Variants in TAOK3 observed in about 807,000 individuals in gnomAD.
TAOK3 encodes serine/threonine-protein kinase TAO3.
A neutral mutation model predicts 120.4 loss-of-function variants in TAOK3; 40 were observed. That is an observed-to-expected ratio of 0.33 (90% CI 0.26 to 0.43). TAOK3 has a LOEUF of 0.43. TAOK3 is among the 20% of genes least tolerant of loss of function. TAOK3 has a pLI of 1.00. For missense variants in TAOK3, 821 were observed against 1,112.1 expected, an observed-to-expected ratio of 0.74 and a Z score of 3.72; for synonymous variants, 355 against 387.5, an observed-to-expected ratio of 0.92 and a Z score of 0.99.
chr12:118,236,348 A>G (rs557345269), intron 7 of TAOK3: 1 of 152,354 alleles, frequency 6.6e-6, no homozygotes, highest in African/African-American at 2.4e-5. Context: ...CTATTGTATT[A>G]CTACAAAGAA....
chr12:118,324,948 G>T (rs952423528), intron 1 of TAOK3, among the ~76,000 whole-genome samples: 1 of 151,654 alleles, frequency 6.6e-6, no homozygotes, highest in Non-Finnish European at 1.5e-5. Context: ...GGGTTTCACC[G>T]TGTTAGCCAG....
At chr12:118,233,436 C>A (rs372471300) in intron 9 of TAOK3, among the ~76,000 whole-genome samples, 9 of 150,026 alleles carry the variant, frequency 6.0e-5, no homozygotes, top group Non-Finnish European at 1.3e-4. Flanking sequence ...TAAATAAATA[C>A]ATAAATAAAT....
At chr12:118,263,326 T>C (rs1593338950) in intron 2 of TAOK3, among the ~76,000 whole-genome samples, 2 of 152,326 alleles carry the variant, frequency 1.3e-5, no homozygotes, top group Non-Finnish European at 2.9e-5. Flanking sequence ...ACTAACAACC[T>C]GTGTAAAAAC....
intron 13 of TAOK3, among the ~76,000 whole-genome samples, chr12:118,194,475 T>A: frequency 6.6e-6 from 1 of 152,178 alleles, no homozygotes; most frequent in East Asian, 1.9e-4. Flanking sequence ...TACCTTCATA[T>A]GTTAATTTAC....
chr12:118,291,252 G>A (rs981196238), intron 1 of TAOK3, among the ~76,000 whole-genome samples: 3 of 151,214 alleles, frequency 2.0e-5, no homozygotes, highest in Non-Finnish European at 4.4e-5. Flanking sequence ...TGCCTCCTGG[G>A]TTCAAGCAAT....
intron 14 of TAOK3, among the ~76,000 whole-genome samples, chr12:118,182,062 G>A (rs570236760): frequency 3.9e-5 from 6 of 152,062 alleles, no homozygotes; most frequent in Admixed American, 6.6e-5. Context: ...GTGGGCACCT[G>A]TAATCCTAGT....
In TAOK3 at chr12:118,161,734, C is replaced by A; in HGVS notation, c.2139+54G>T. ...AGTTGCTCAGGTGACTCTGACACTT[C>A]AGGTAGAGAAACCACTGATCTGGTC... On this transcript the variant is annotated intron_variant, in intron 18 of 20. Coordinates refer to ENST00000392533, the MANE Select transcript of TAOK3 (RefSeq NM_016281.4). This position sits in a 1 kb window ranked among gnomAD's most constrained non-coding sequence, Gnocchi z 4.5. 1 of 1,596,162 alleles carries A rather than the reference C, an allele frequency of 6.3e-7. No individual in the cohort carries two copies. The highest frequency in any genetic ancestry group is 8.6e-7 in the Non-Finnish European group (1 of 1,168,504).
intron 2 of TAOK3, among the ~76,000 whole-genome samples, chr12:118,257,604 G>T (rs1330707698): frequency 1.3e-5 from 2 of 151,916 alleles, no homozygotes; most frequent in Non-Finnish European, 2.9e-5. Context: ...ATAGAAATTT[G>T]GTTATTGGCC....
intron 1 of TAOK3, among the ~76,000 whole-genome samples, chr12:118,338,012 A>C (rs1384950728): frequency 6.6e-6 from 1 of 152,214 alleles, no homozygotes; most frequent in East Asian, 1.9e-4. Context: ...TAAAGGGTAC[A>C]CCCGACCTCT....
rs760373463 is a variant in TAOK3 at position 118,201,448 on chromosome 12, G to A, written c.835C>T (p.Arg279Ter). Residue 279 changes from arginine (R) to a stop codon, truncating the protein, a stop_gained, in exon 12 of 21, where the codon CGA becomes TGA. Coordinates refer to ENST00000392533, the MANE Select transcript of TAOK3 (RefSeq NM_016281.4). LOFTEE classifies it high-confidence loss of function. Reference sequence around the variant, plus strand: ...ATGAGGACACGTAGTGGCCGGTCTCGTCGAACAAAGTCATGCTGATTGAGG... The same window carrying A: ...ATGAGGACACGTAGTGGCCGGTCTCATCGAACAAAGTCATGCTGATTGAGG... ...AELLRHDFVR[R>*]DRPLRVLIDL... 8 of 1,609,426 alleles carry A rather than the reference G, an allele frequency of 5.0e-6. No homozygotes were observed. Among genetic ancestry groups the A allele is most frequent in the Non-Finnish European group, 6.8e-6 (8 of 1,177,928 alleles).
At position 118,189,946 on chromosome 12, in the gene TAOK3, A is replaced by C. The variant is rs1565923409; in HGVS notation, c.1195-5T>G. 4 of 1,613,692 alleles carry C rather than the reference A, an allele frequency of 2.5e-6. No homozygotes were observed. The highest frequency in any genetic ancestry group is 3.4e-6 in the Non-Finnish European group (4 of 1,179,632). On this transcript the variant is annotated splice_polypyrimidine_tract_variant and splice_region_variant and intron_variant, in intron 13 of 20. Transcript: ENST00000392533. ...ATCCCTTATGAATACATGATCCTGC[A>C]GAAATGGATAAAAACAAGGAGAAAG...
intron 1 of TAOK3, among the ~76,000 whole-genome samples, chr12:118,352,066 G>A (rs2045192883): frequency 1.3e-5 from 2 of 151,334 alleles, no homozygotes; most frequent in East Asian, 2.0e-4. Flanking sequence ...TAGAGATGGG[G>A]TTTCACCGTG....
chr12:118,185,417 T>C (rs1245311563), intron 14 of TAOK3, among the ~76,000 whole-genome samples: 5 of 152,134 alleles, frequency 3.3e-5, no homozygotes, highest in Non-Finnish European at 5.9e-5. Flanking sequence ...AACAAGAGCA[T>C]GGTGGCTGAT....
At chr12:118,195,189 A>G (rs1283433432) in intron 13 of TAOK3, among the ~76,000 whole-genome samples, 1 of 152,230 alleles carries the variant, frequency 6.6e-6, no homozygotes. Context: ...TTCAATAAGC[A>G]TACCTAAAAT....
At position 118,189,907 on chromosome 12, in the gene TAOK3, C is replaced by T. The variant is rs756048634; in HGVS notation, c.1229G>A (p.Gly410Asp). 6.8e-6 allele frequency: 11 copies of T among 1,614,066 alleles called. No individual in the cohort carries two copies. In the South Asian group the frequency reaches 9.9e-5, roughly 14 times the overall value. ...AGGCCGCGGCTCAGGCCTGGGATCG[C>T]CGTGGCCCGCCTCATCCCTTATGAA... is the stretch of plus-strand genomic sequence containing the variant. ...HVFIRDEAGH[G>D]DPRPEPRPTQ... is the part of the protein sequence containing the mutation. The change falls in exon 14 of 21, where the codon GGC (glycine) becomes GAC (aspartate). Residue 410 changes from glycine (G) to aspartate (D), a missense_variant. Coordinates refer to ENST00000392533, the MANE Select transcript of TAOK3 (RefSeq NM_016281.4).
At chr12:118,272,565 A>G (rs116581282) in intron 1 of TAOK3, among the ~76,000 whole-genome samples, 139 of 152,298 alleles carry the variant, frequency 9.1e-4, no homozygotes, top group African/African-American at 3.2e-3. Context: ...TTCATACTGG[A>G]AAGAATTTTA....
intron 1 of TAOK3, among the ~76,000 whole-genome samples, chr12:118,330,731 A>G (rs1329787788): frequency 6.6e-6 from 1 of 151,794 alleles, no homozygotes; most frequent in Non-Finnish European, 1.5e-5. Context: ...AGGGAAAAGA[A>G]AAAGAAAGAA....
chr12:118,317,795 G>A (rs1451667043), intron 1 of TAOK3, among the ~76,000 whole-genome samples: 1 of 151,838 alleles, frequency 6.6e-6, no homozygotes, highest in African/African-American at 2.4e-5. Context: ...ACCCAGAATA[G>A]CAAAAATAAT....
chr12:118,169,207 T>G (rs952867832), intron 17 of TAOK3, among the ~76,000 whole-genome samples: 3 of 149,148 alleles, frequency 2.0e-5, no homozygotes, highest in African/African-American at 7.5e-5. Context: ...AGAGACAGAG[T>G]TTCACCATGT....
Sources: allele counts gnomAD v4.1 joint callset (sites outside exome capture counted in the v4.1 genomes callset), GRCh38; gene constraint gnomAD v4.1.1; non-coding constraint Gnocchi (gnomAD v3.1); transcripts MANE v1.5; gene names NCBI Gene and HGNC (gene_info 2026-07-23, HGNC 2026-07-21).